The following PARP10 variants were observed in gnomAD, a reference collection of about 807,000 sequenced individuals.
PARP10 encodes the protein poly(ADP-ribose) polymerase family member 10, also known as protein mono-ADP-ribosyltransferase PARP10.
PARP10 carries 56 observed loss-of-function variants against 82.4 expected under a neutral mutation model. The observed-to-expected ratio is 0.68, with a 90% CI of 0.55 to 0.85. The LOEUF (loss-of-function observed/expected upper bound fraction) is 0.85. Ranked by LOEUF, PARP10 falls within the 40% of genes least tolerant of loss-of-function variation. The pLI is 0.00. For missense variants in PARP10, 1,227 were observed against 1,379.4 expected (o/e 0.89, Z 1.75); for synonymous variants, 576 against 601.1 (o/e 0.96, Z 0.61).
At chr8:143,978,315 G>T (rs113671302) in intron 9 of PARP10, among the ~76,000 whole-genome samples, 2,601 of 152,206 alleles carry the variant, frequency 0.017, 70 homozygotes, top group African/African-American at 0.059. Flanking sequence ...GTGGAGGTCT[G>T]CGGGCGGGCA....
At chr8:143,988,321 T>C (rs1425691688), upstream of PARP10, among the ~76,000 whole-genome samples, 1 of 138,844 alleles carries the variant, frequency 7.2e-6, no homozygotes, top group Non-Finnish European at 1.5e-5. Context: ...AGCTAATTTT[T>C]GTATTTTTAG....
At chr8:143,982,839 T>G (rs1349612780) in intron 9 of PARP10, 93 bp downstream of exon 9, 3 of 1,541,346 alleles carry the variant, frequency 1.9e-6, no homozygotes, top group Non-Finnish European at 2.6e-6. Flanking sequence ...GACCTTGATG[T>G]AGGCGAGAGG....
Position 143,977,983 on chromosome 8 carries a change from C to G in PARP10, c.2655G>C (p.Leu885=), listed in dbSNP as rs782774080. The G allele has an allele frequency of 6.3e-7, 1 of 1,597,750 alleles. No homozygotes were observed. The part of the protein sequence containing the change: ...RCERRPVEQV[L]YHGTTAPAVP... ...CTGCCGGTGCCGTCGTGCCGTGGTA[C>G]AGCACCTGCTCCACCGGGCGCCGCT... Residue 885 remains leucine (L), a synonymous_variant, in exon 10 of 11, where the codon CTG becomes CTC. Coordinates refer to ENST00000313028, the MANE Select transcript of PARP10 (RefSeq NM_032789.5).
rs1554748164 is a variant in PARP10, at chr8:143,983,285, G to A, written c.2304C>T (p.Cys768=). 1 of 1,612,914 alleles carries A rather than the reference G, an allele frequency of 6.2e-7. No individual in the cohort carries two copies. Among genetic ancestry groups the A allele is most frequent in the Admixed American group, 1.7e-5 (1 of 59,914 alleles). The change falls in exon 8 of 11, where the codon TGC becomes TGT. Residue 768 remains cysteine (C), a synonymous_variant. Coordinates refer to ENST00000313028, the MANE Select transcript of PARP10 (RefSeq NM_032789.5). The part of the protein sequence containing the change: ...HGVSVALRGD[C]TILRGFGAHP... ...GGGCCCCGAAGCCACGGAGGATGGT[G>A]CAGTCACCACGCAGGGCAACACTCA...
intron 1 of PARP10, among the ~76,000 whole-genome samples, chr8:144,010,769 C>T (rs1834272582): frequency 6.6e-6 from 1 of 152,038 alleles, no homozygotes; most frequent in Non-Finnish European, 1.5e-5. Context: ...CCTGTAGTCT[C>T]AGCTACTTGG....
Position 143,983,185 on chromosome 8 carries a change from C to A in PARP10, c.2404G>T (p.Ala802Ser). Reference protein sequence around the residue: ...PWDQSLAFPLAASGPTLAGQT... With the variant: ...PWDQSLAFPLSASGPTLAGQT... ...GACTCACAGGTAGGGCCTGAAGCTG[C>A]CAAGGGAAAGGCCAAACTCTGATCC... is the stretch of plus-strand genomic sequence containing the variant. The change falls in exon 8 of 11, where the codon GCA becomes TCA. Residue 802 changes from alanine (A) to serine (S), a missense_variant. Transcript: ENST00000313028. 6.2e-7 allele frequency: 1 copy of A among 1,613,578 alleles called. No homozygotes were observed. The highest frequency in any genetic ancestry group is 8.5e-7 in the Non-Finnish European group (1 of 1,179,846).
intron 1 of PARP10, among the ~76,000 whole-genome samples, chr8:144,006,716 T>A (rs1350564150): frequency 7.9e-5 from 12 of 152,148 alleles, no homozygotes; most frequent in Admixed American, 6.5e-4. Flanking sequence ...TATAGAAAGA[T>A]CACTGAGAGC....
intron 1 of PARP10, among the ~76,000 whole-genome samples, chr8:144,009,651 C>T (rs1834259864): frequency 6.6e-6 from 1 of 152,206 alleles, no homozygotes; most frequent in African/African-American, 2.4e-5. Context: ...CCTGGCTCAT[C>T]TCCTTAACAT....
In PARP10 at chr8:143,983,670, A is replaced by G; in HGVS notation, c.1919T>C (p.Val640Ala). The part of the protein sequence containing the change: ...VTPGHEEEEP[V>A]APSTVAPRWL... ...CCTGGGTGCCACAGTGCTGGGGGCC[A>G]CAGGCTCCTCCTCCTCATGCCCTGG... Residue 640 changes from valine to alanine, a missense_variant, in exon 8 of 11, where the codon GTG (valine) becomes GCG (alanine). By Grantham distance (64) the Val-to-Ala change is moderately conservative. Transcript: ENST00000313028. 1.9e-6 allele frequency: 3 copies of G among 1,609,150 alleles called. No individual in the cohort carries two copies. In the South Asian group the frequency reaches 3.3e-5, roughly 18 times the overall value.
At chr8:143,992,497 G>A (rs1554750717), upstream of PARP10, 3 of 1,614,142 alleles carry the variant, frequency 1.9e-6, no homozygotes, top group African/African-American at 1.3e-5. Context: ...GCATGGGCGT[G>A]CTCCTGGTGA....
chr8:143,984,153 G>A lies in PARP10; in HGVS notation c.1681-49C>T, dbSNP rs1554748538. The A allele has an allele frequency of 1.9e-6, 3 of 1,576,784 alleles. No homozygotes were observed. The East Asian group carries it at 6.8e-5, about 36-fold the overall frequency. ...CACTAGCCTCTGGGCAAGGGCAGAG[G>A]AGGCCTGGGGCAGAGGCGTGAGAAA... is the stretch of plus-strand genomic sequence containing the variant. On this transcript the variant is annotated intron_variant, in intron 6 of 10. Transcript: ENST00000313028.
At chr8:143,986,780 A>C, upstream of PARP10, 1 of 271,736 alleles carries the variant, frequency 3.7e-6, no homozygotes, top group Non-Finnish European at 7.2e-6. Flanking sequence ...ACTGCCCCTC[A>C]CTCAGGATCT....
At position 143,985,570 on chromosome 8, in the gene PARP10, G is replaced by A; in HGVS notation, c.515C>T (p.Ala172Val). 2 of 1,614,036 alleles carry A rather than the reference G, an allele frequency of 1.2e-6. No individual in the cohort carries two copies. Among genetic ancestry groups the A allele is most frequent in the East Asian group, 2.2e-5 (1 of 44,882 alleles). ...TLVSLARVPQ[A>V]RAVRVVGDGA... The stretch of plus-strand genomic sequence containing the variant: ...ATCCCCCACCACACGCACCGCTCGG[G>A]CCTGGGGAACCCGGGCCAGGGACAC... The change falls in exon 4 of 11, where the codon GCC becomes GTC. Residue 172 changes from alanine (A) to valine (V), a missense_variant. Coordinates refer to ENST00000313028, the MANE Select transcript of PARP10 (RefSeq NM_032789.5).
chr8:143,992,700 A>T, upstream of PARP10: 1 of 1,613,960 alleles, frequency 6.2e-7, no homozygotes, highest in Non-Finnish European at 8.5e-7. Context: ...AGTTCCTCGC[A>T]GTGGACACCC....
chr8:143,991,877 G>A, upstream of PARP10: 1 of 1,610,822 alleles, frequency 6.2e-7, no homozygotes, highest in Non-Finnish European at 8.5e-7. Flanking sequence ...TCCTTCCCCA[G>A]GTGTTCCTAG....
chr8:143,983,735 C>T lies in PARP10; in HGVS notation c.1854G>A (p.Glu618=). The T allele has an allele frequency of 1.2e-6, 2 of 1,612,084 alleles. No homozygotes were observed. The highest frequency in any genetic ancestry group is 2.2e-5 in the East Asian group (1 of 44,802). Residue 618 remains glutamate (E), a synonymous_variant, in exon 8 of 11, where the codon GAG becomes GAA. Transcript: ENST00000313028. ...DGEDWLPREL[E]EEGPQEQPEE... ...CTGGCTGCTCCTGAGGCCCTTCCTC[C>T]TCCAGCTCCCGAGGCAGCCAGTCCT...
At chr8:143,994,959 A>AG (rs11387984), upstream of PARP10, among the ~76,000 whole-genome samples, 66,466 of 151,942 alleles carry the variant, frequency 0.44, 15,458 homozygotes, top group African/African-American at 0.58. Flanking sequence ...GGGCGGGGGC[A>AG]GGGGTGGTCT....
intron 1 of PARP10, among the ~76,000 whole-genome samples, chr8:144,010,269 C>T (rs552720852): frequency 6.6e-6 from 1 of 152,164 alleles, no homozygotes; most frequent in Non-Finnish European, 1.5e-5. Flanking sequence ...CTGGTAAAGT[C>T]GATAAGGTGG....
Position 143,986,426 on chromosome 8 carries a change from A to C in PARP10, c.-67T>G. ...AGGACTCCTGTGCCTGCCCCTCAGCAAGCCTAACCCTGCTGGGAGCAGGAA... is the reference window on the plus strand; with the variant it reads ...AGGACTCCTGTGCCTGCCCCTCAGCCAGCCTAACCCTGCTGGGAGCAGGAA... On this transcript the variant is annotated 5_prime_UTR_variant, in exon 1 of 11. Coordinates refer to ENST00000313028, the MANE Select transcript of PARP10 (RefSeq NM_032789.5). The C allele has an allele frequency of 6.2e-7, 1 of 1,613,512 alleles. No individual in the cohort carries two copies.
Sources: gnomAD v4.1 joint callset for allele counts (sites outside exome capture counted in the v4.1 genomes callset) on GRCh38, gnomAD v4.1.1 for gene constraint, MANE v1.5 for transcripts, NCBI Gene and HGNC (gene_info 2026-07-23, HGNC 2026-07-21) for gene names.